The following EEFSEC variants were observed in gnomAD, a reference collection of about 807,000 sequenced individuals.
EEFSEC encodes selenocysteine-specific elongation factor.
Under a neutral mutation model 42.1 loss-of-function variants are expected in EEFSEC, and 43 were observed. The observed-to-expected ratio is 1.02, with a 90% CI of 0.80 to 1.32. The LOEUF is 1.32. Among genes scored for constraint, EEFSEC ranks in the 40% most tolerant of loss-of-function variants. The pLI is 0.00. For synonymous variants in EEFSEC, 354 were observed against 339.1 expected, an observed-to-expected ratio of 1.04 and a Z score of -0.48; for missense variants, 745 against 803.6, an observed-to-expected ratio of 0.93 and a Z score of 0.88.
intron 4 of EEFSEC, among the ~76,000 whole-genome samples, chr3:128,289,175 G>A (rs2066616947): frequency 6.6e-6 from 1 of 152,198 alleles, no homozygotes. Context: ...CTAATACAGA[G>A]CGACACCACC....
chr3:128,382,128 T>C (rs2067783625), intron 6 of EEFSEC, among the ~76,000 whole-genome samples: 1 of 152,220 alleles, frequency 6.6e-6, no homozygotes, highest in South Asian at 2.1e-4. Flanking sequence ...CTCCTGGGGT[T>C]GTCAGGAAGA....
intron 1 of EEFSEC, among the ~76,000 whole-genome samples, chr3:128,223,982 TA>T (rs11410600): frequency 0.72 from 108,969 of 151,490 alleles, 39,354 homozygotes; most frequent in East Asian, 0.89. Context: ...ATGTTCCATT[TA>T]AAAAAAAAAC....
At position 128,302,240 on chromosome 3, in the gene EEFSEC, G is replaced by A. The variant is rs1050365661; in HGVS notation, c.786+37459G>A. ...ACGCCTGTTCCTTTTGTGGTAGAAA[G>A]ATGCTATTTTAATACTGTTTAATTT... On this transcript the variant is annotated intron_variant, in intron 4 of 6. Coordinates refer to ENST00000254730, the MANE Select transcript of EEFSEC (RefSeq NM_021937.5). Among the ~76,000 whole-genome samples, 3 of 152,154 alleles carry A rather than the reference G, an allele frequency of 2.0e-5. No individual in the cohort carries two copies. The East Asian group carries it at 5.8e-4, about 29-fold the overall frequency.
chr3:128,163,344 C>T (rs2065210157), intron 1 of EEFSEC, among the ~76,000 whole-genome samples: 1 of 151,984 alleles, frequency 6.6e-6, no homozygotes, highest in Admixed American at 6.5e-5. Flanking sequence ...GAACACTTCA[C>T]TCCAATGGCT....
intron 1 of EEFSEC, among the ~76,000 whole-genome samples, chr3:128,241,793 C>T (rs2066074172): frequency 6.6e-6 from 1 of 152,206 alleles, no homozygotes; most frequent in Admixed American, 6.5e-5. Context: ...TGTCTAGGCA[C>T]TGTTCTAAAT....
At chr3:128,423,308 T>C in the EEFSEC span, among the ~76,000 whole-genome samples, 1 of 152,138 alleles carries the variant, frequency 6.6e-6, no homozygotes, top group Non-Finnish European at 1.5e-5. Flanking sequence ...GGCAATAATC[T>C]AATAAAAATT....
At chr3:128,179,388 G>T (rs2065382269) in intron 1 of EEFSEC, among the ~76,000 whole-genome samples, 1 of 152,224 alleles carries the variant, frequency 6.6e-6, no homozygotes, top group Non-Finnish European at 1.5e-5. Context: ...AGCTAGAATC[G>T]TGTAGGCATT....
intron 4 of EEFSEC, among the ~76,000 whole-genome samples, chr3:128,313,372 T>C (rs150806739): frequency 1.3e-5 from 2 of 152,388 alleles, no homozygotes; most frequent in African/African-American, 4.8e-5. Context: ...TTCTGGTCGA[T>C]GCAGCTTTGT....
intron 1 of EEFSEC, among the ~76,000 whole-genome samples, chr3:128,172,632 C>A (rs539790550): frequency 6.6e-6 from 1 of 152,230 alleles, no homozygotes; most frequent in African/African-American, 2.4e-5. Flanking sequence ...TCTCTCTGAC[C>A]CCTGACGAAT....
chr3:128,212,722 A>G (rs992115154), intron 1 of EEFSEC, among the ~76,000 whole-genome samples: 2 of 152,234 alleles, frequency 1.3e-5, no homozygotes, highest in Non-Finnish European at 2.9e-5. Context: ...GTTTGGAGGT[A>G]TAGTTTCTAC....
Position 128,273,786 on chromosome 3 carries a change from G to T in EEFSEC, c.786+9005G>T, listed in dbSNP as rs1382605886. 4.6e-5 allele frequency among the ~76,000 whole-genome samples: 7 copies of T among 152,234 alleles called. No homozygotes were observed. In the East Asian group the frequency reaches 1.3e-3, roughly 29 times the overall value. On this transcript the variant is annotated intron_variant, in intron 4 of 6. Coordinates refer to ENST00000254730, the MANE Select transcript of EEFSEC (RefSeq NM_021937.5). ...GCATGGTTGGAGCAGGGGAGAAATG[G>T]TGGCTTTAACCCAAGTGGTGTCTTC...
intron 1 of EEFSEC, among the ~76,000 whole-genome samples, chr3:128,229,539 T>C (rs2065939607): frequency 6.6e-6 from 1 of 152,216 alleles, no homozygotes; most frequent in South Asian, 2.1e-4. Flanking sequence ...CCTGAGTGCT[T>C]TTCTGACTCC....
At chr3:128,274,304 C>T (rs2066444131) in intron 4 of EEFSEC, among the ~76,000 whole-genome samples, 1 of 152,220 alleles carries the variant, frequency 6.6e-6, no homozygotes, top group Admixed American at 6.5e-5. Flanking sequence ...ATGCTGCCTT[C>T]CTCCGAGTCG....
chr3:128,240,267 TGC>T (rs1331522106), intron 1 of EEFSEC, among the ~76,000 whole-genome samples: 1 of 152,208 alleles, frequency 6.6e-6, no homozygotes, highest in East Asian at 1.9e-4. Context: ...CCAGGTTCAG[TGC>T]TCACAGCTGT....
Position 128,262,230 on chromosome 3 carries a change from G to A in EEFSEC, c.621+6G>A. ...GCATTCCAGAGCTCATTGAGGTACT[G>A]TCATCTTGAATCCAGGTTGCCCTTT... On this transcript the variant is annotated splice_donor_region_variant and intron_variant, in intron 3 of 6. Transcript: ENST00000254730. 6.2e-7 allele frequency: 1 copy of A among 1,613,904 alleles called. No individual in the cohort carries two copies. Among genetic ancestry groups the A allele is most frequent in the Non-Finnish European group, 8.5e-7 (1 of 1,179,818 alleles).
chr3:128,189,925 C>T (rs1192183897), intron 1 of EEFSEC, among the ~76,000 whole-genome samples: 8 of 152,034 alleles, frequency 5.3e-5, no homozygotes, highest in African/African-American at 1.9e-4. Flanking sequence ...TGCAGTGGCA[C>T]GATCTTGGCT....
intron 6 of EEFSEC, among the ~76,000 whole-genome samples, chr3:128,402,564 C>A (rs185132040): frequency 6.6e-6 from 1 of 152,368 alleles, no homozygotes; most frequent in Non-Finnish European, 1.5e-5. Flanking sequence ...GGGCAAGGTA[C>A]TAACTCTTCT....
intron 6 of EEFSEC, among the ~76,000 whole-genome samples, chr3:128,384,689 C>G (rs1160759143): frequency 6.6e-6 from 1 of 152,192 alleles, no homozygotes; most frequent in Non-Finnish European, 1.5e-5. Flanking sequence ...CGTCCAAGGT[C>G]AAGAACTCGT....
chr3:128,375,987 A>T (rs963974017), intron 6 of EEFSEC, among the ~76,000 whole-genome samples: 2 of 152,198 alleles, frequency 1.3e-5, no homozygotes, highest in African/African-American at 4.8e-5. Context: ...ATGTGCCTGA[A>T]AAAGTTCAGA....
Sources: allele counts gnomAD v4.1 joint callset (sites outside exome capture counted in the v4.1 genomes callset), GRCh38; gene constraint gnomAD v4.1.1; transcripts MANE v1.5; gene names NCBI Gene and HGNC (gene_info 2026-07-23, HGNC 2026-07-21).